Variants in PCBP3 observed in about 807,000 individuals in gnomAD.
The protein encoded by PCBP3 is poly(rC)-binding protein 3.
A neutral mutation model predicts 52.7 loss-of-function variants in PCBP3; 25 were observed. The ratio of observed to expected loss-of-function variants is 0.47; its 90% CI spans 0.35 to 0.66. PCBP3 has a LOEUF of 0.66. PCBP3 is among the 30% of genes least tolerant of loss of function. PCBP3 has a pLI of 0.01. For synonymous variants in PCBP3, 162 were observed against 183.0 expected (o/e 0.89, Z 0.93); for missense variants, 391 against 490.3 (o/e 0.80, Z 1.91).
At chr21:45,705,584 T>G (rs2083398300) in intron 2 of PCBP3, among the ~76,000 whole-genome samples, 1 of 152,192 alleles carries the variant, frequency 6.6e-6, no homozygotes, top group South Asian at 2.1e-4. Context: ...TGTCTGTGAA[T>G]TGGCAGGGAA....
rs531488391 is a variant in PCBP3, at chr21:45,881,578, A to G, written c.11-14630A>G. ...GGCAACATAGAGAGACCCCATCTCT[A>G]TAAAGAATTTAAAATCACTCTCAGC... On this transcript the variant is annotated intron_variant, in intron 5 of 17. Coordinates refer to ENST00000681687, the MANE Select transcript of PCBP3 (RefSeq NM_001384156.1). Among the ~76,000 whole-genome samples, 5 of 152,330 alleles carry G rather than the reference A, an allele frequency of 3.3e-5. No individual in the cohort carries two copies. The East Asian group carries it at 7.7e-4, about 23-fold the overall frequency.
intron 2 of PCBP3, among the ~76,000 whole-genome samples, chr21:45,688,191 A>G (rs528937330): frequency 7.7e-4 from 117 of 152,368 alleles, no homozygotes; most frequent in Non-Finnish European, 1.1e-3. Context: ...CATGAAATCA[A>G]TAAGAGAATA....
At chr21:45,930,928 G>T in intron 15 of PCBP3, 83 bp downstream of exon 15, 1 of 1,572,492 alleles carries the variant, frequency 6.4e-7, no homozygotes, top group Non-Finnish European at 8.6e-7. Context: ...GGGCCCTGCC[G>T]CTGCAGCAGT....
chr21:45,748,628 C>T (rs2087126034), intron 3 of PCBP3, among the ~76,000 whole-genome samples: 1 of 152,264 alleles, frequency 6.6e-6, no homozygotes, highest in Admixed American at 6.5e-5. Flanking sequence ...CTGAACACGG[C>T]TGCATCCACA....
At chr21:45,695,398 A>AC (rs2082710022) in intron 2 of PCBP3, among the ~76,000 whole-genome samples, 1 of 152,034 alleles carries the variant, frequency 6.6e-6, no homozygotes, top group Admixed American at 6.5e-5. Context: ...AGTAGCCAGC[A>AC]CCCCAATAGA....
At chr21:45,834,290 G>A (rs555971205) in intron 4 of PCBP3, among the ~76,000 whole-genome samples, 83 of 152,354 alleles carry the variant, frequency 5.4e-4, no homozygotes, top group African/African-American at 1.9e-3. Flanking sequence ...GTCACCAGCC[G>A]TCAGAGCGCC....
chr21:45,654,604 G>T (rs2079896083), intron 1 of PCBP3, among the ~76,000 whole-genome samples: 1 of 152,156 alleles, frequency 6.6e-6, no homozygotes, highest in African/African-American at 2.4e-5. Flanking sequence ...CTCCCAAAGT[G>T]CTGGGATTAT....
At chr21:45,836,418 A>T (rs1037654223) in intron 4 of PCBP3, 1 of 151,712 alleles carries the variant, frequency 6.6e-6, no homozygotes, top group African/African-American at 2.4e-5. Context: ...CCTGCTGGTC[A>T]TGCCTTCCTG....
chr21:45,727,179 A>G (rs1158394551), intron 2 of PCBP3, among the ~76,000 whole-genome samples: 1 of 152,200 alleles, frequency 6.6e-6, no homozygotes, highest in Non-Finnish European at 1.5e-5. Context: ...TCTATGATCC[A>G]TTTTGAATTA....
At chr21:45,712,609 G>GT (rs2083913749) in intron 2 of PCBP3, among the ~76,000 whole-genome samples, 4 of 152,086 alleles carry the variant, frequency 2.6e-5, no homozygotes, top group African/African-American at 9.6e-5. Context: ...GTACACGTTG[G>GT]TTTGTGGTCA....
In PCBP3 at chr21:45,791,284, G is replaced by A. The variant is rs1338275447; in HGVS notation, c.-126+35832G>A. 6.6e-6 allele frequency among the ~76,000 whole-genome samples: 1 copy of A among 152,334 alleles called. No individual in the cohort carries two copies. Among genetic ancestry groups the A allele is most frequent in the African/African-American group, 2.4e-5 (1 of 41,570 alleles). On this transcript the variant is annotated intron_variant, in intron 4 of 17. Coordinates refer to ENST00000681687, the MANE Select transcript of PCBP3 (RefSeq NM_001384156.1). The surrounding 1 kb of genome is among the most constrained non-coding windows in gnomAD (Gnocchi z 4.2). ...TCATATGGGTCAGTGTAAGGTTTGT[G>A]CGGTAGAATTTGGAAGGCTGGGAGC...
intron 5 of PCBP3, among the ~76,000 whole-genome samples, chr21:45,859,249 T>C (rs1359104883): frequency 8.5e-6 from 1 of 118,060 alleles, no homozygotes; most frequent in East Asian, 2.8e-4. Context: ...CAGGAACAGC[T>C]GAGCCAGGAG....
chr21:45,738,570 C>T (rs1477921472), intron 3 of PCBP3, among the ~76,000 whole-genome samples: 1 of 152,106 alleles, frequency 6.6e-6, no homozygotes, highest in East Asian at 1.9e-4. Context: ...TTTTTGCTTT[C>T]CGTAAGATAA....
At chr21:45,711,131 GGA>G (rs1468801647) in intron 2 of PCBP3, among the ~76,000 whole-genome samples, 1 of 152,096 alleles carries the variant, frequency 6.6e-6, no homozygotes, top group African/African-American at 2.4e-5. Context: ...TCCTTTTATT[GGA>G]GAATAATATA....
intron 2 of PCBP3, among the ~76,000 whole-genome samples, chr21:45,692,968 A>T (rs1459596627): frequency 6.6e-6 from 1 of 152,230 alleles, no homozygotes; most frequent in East Asian, 1.9e-4. Flanking sequence ...AGGTTGGTTT[A>T]CTCATTATTC....
At chr21:45,649,056 A>G (rs895522043) in intron 1 of PCBP3, among the ~76,000 whole-genome samples, 7 of 152,230 alleles carry the variant, frequency 4.6e-5, no homozygotes, top group South Asian at 4.1e-4. Context: ...TGCTGCTGAT[A>G]AAGACATACC....
Position 45,675,385 on chromosome 21 carries a change from A to C in PCBP3, c.-200+6433A>C, listed in dbSNP as rs151143812. ...CAGGCAGGTACCACCTAGGGAACCC[A>C]CAGGCAAGGCCCAAATGCTCTTATT... On this transcript the variant is annotated intron_variant, in intron 2 of 17. Transcript: ENST00000681687. Among the ~76,000 whole-genome samples, 17 of 152,312 alleles carry C rather than the reference A, an allele frequency of 1.1e-4. No homozygotes were observed. The East Asian group carries it at 3.3e-3, about 29-fold the overall frequency.
intron 4 of PCBP3, among the ~76,000 whole-genome samples, chr21:45,849,713 C>T (rs929604743): frequency 4.6e-5 from 7 of 152,146 alleles, no homozygotes; most frequent in Admixed American, 2.0e-4. Context: ...TTCATGTAGA[C>T]GTCTCACTTG....
chr21:45,868,456 A>G (rs2094850653), intron 5 of PCBP3, among the ~76,000 whole-genome samples: 2 of 140,168 alleles, frequency 1.4e-5, no homozygotes, highest in South Asian at 4.4e-4. Flanking sequence ...CGATGCTGTT[A>G]CAGTCAATAA....
Sources: allele counts gnomAD v4.1 joint callset (sites outside exome capture counted in the v4.1 genomes callset), GRCh38; gene constraint gnomAD v4.1.1; non-coding constraint Gnocchi (gnomAD v3.1); transcripts MANE v1.5; gene names NCBI Gene and HGNC (gene_info 2026-07-23, HGNC 2026-07-21).